The following MTHFSD variants were observed in gnomAD, a reference collection of about 807,000 sequenced individuals.
MTHFSD encodes the protein methenyltetrahydrofolate synthase domain-containing protein.
MTHFSD carries 37 observed loss-of-function variants against 31.1 expected under a neutral mutation model. The ratio of observed to expected loss-of-function variants is 1.19; its 90% CI spans 0.91 to 1.56. MTHFSD has a LOEUF of 1.56. Ranked by LOEUF, MTHFSD falls within the 40% of genes most tolerant of loss-of-function variation. MTHFSD has a pLI of 0.00. For missense variants in MTHFSD, 664 were observed against 510.1 expected (o/e 1.30, Z -2.91); for synonymous variants, 221 against 206.9 (o/e 1.07, Z -0.59).
At chr16:86,536,653 A>G (rs765453589) in intron 7 of MTHFSD, among the ~76,000 whole-genome samples, 9 of 152,228 alleles carry the variant, frequency 5.9e-5, no homozygotes, top group Non-Finnish European at 1.2e-4. Flanking sequence ...GTCACTAAGA[A>G]CTATTTAGTA....
Position 86,532,038 on chromosome 16 carries a change from C to T in MTHFSD, c.1125G>A (p.Ala375=), listed in dbSNP as rs537395734. ...ACTTGTCCCTCTGCTGCCTGGCCAG[C>T]GCCACCCTCAGGGTGTCGGTGCCCA... ...LRLGTDTLRV[A]LARQQRDK is the part of the protein sequence containing the mutation. Residue 375 remains alanine (A), a synonymous_variant, in exon 8 of 8, where the codon GCG becomes GCA. Transcript: ENST00000360900. 2.1e-5 allele frequency: 32 copies of T among 1,488,996 alleles called. No individual in the cohort carries two copies. The Middle Eastern group carries it at 7.0e-4, about 32-fold the overall frequency. 92.2% of individuals were successfully genotyped at this position (1,488,996 alleles called of 1,614,324 possible).
chr16:86,541,938 G>T, intron 6 of MTHFSD, 116 bp from the exon 7 acceptor site: 1 of 1,464,730 alleles, frequency 6.8e-7, no homozygotes, highest in Non-Finnish European at 9.3e-7. Flanking sequence ...AATCCACTCT[G>T]GGGCTAAGGC....
chr16:86,538,578 G>A (rs1376123811), intron 7 of MTHFSD, among the ~76,000 whole-genome samples: 1 of 152,220 alleles, frequency 6.6e-6, no homozygotes, highest in South Asian at 2.1e-4. Context: ...AGCCATTTTC[G>A]GTTTGCTACG....
At chr16:86,549,981 C>G (rs914027243) in intron 3 of MTHFSD, among the ~76,000 whole-genome samples, 5 of 152,232 alleles carry the variant, frequency 3.3e-5, no homozygotes, top group African/African-American at 1.2e-4. Flanking sequence ...GCCCCCAGCA[C>G]TGCGGACTGT....
Position 86,540,915 on chromosome 16 carries a change from G to C in MTHFSD, c.681+782C>G, listed in dbSNP as rs1243924882. 4 of 1,135,096 alleles carry C rather than the reference G, an allele frequency of 3.5e-6. No individual in the cohort carries two copies. In the South Asian group the frequency reaches 5.9e-5, roughly 17 times the overall value. The allele number at this position is 1,135,096 out of a possible 1,614,324, so 70.3% of individuals were successfully genotyped here. A position where few individuals can be genotyped will look rare whatever the true frequency, so the allele number is the denominator to read the frequency against. On this transcript the variant is annotated intron_variant, in intron 7 of 7. Coordinates refer to ENST00000360900, the MANE Select transcript of MTHFSD (RefSeq NM_001159377.2). Reference sequence around the variant, plus strand: ...ACACCTGCAGGGAAAGTCCCGGCTGGGCTGTGGCAAAAGCAGCAGGTATTC... The same window carrying C: ...ACACCTGCAGGGAAAGTCCCGGCTGCGCTGTGGCAAAAGCAGCAGGTATTC...
chr16:86,533,673 A>T (rs924540079), intron 7 of MTHFSD: 3 of 152,190 alleles, frequency 2.0e-5, no homozygotes, highest in African/African-American at 7.2e-5. Context: ...AGCCTTTGTG[A>T]GGAGCTGGGG....
chr16:86,530,931 A>C lies in MTHFSD; in HGVS notation c.*1080T>G, dbSNP rs1448217616. The C allele has an allele frequency of 6.6e-6, 1 of 152,224 alleles. No homozygotes were observed. Among genetic ancestry groups the C allele is most frequent in the Non-Finnish European group, 1.5e-5 (1 of 68,036 alleles). The allele number at this position is 152,224 out of a possible 1,614,324, so 9.4% of individuals were successfully genotyped here. On this transcript the variant is annotated 3_prime_UTR_variant, in exon 8 of 8. Transcript: ENST00000360900. ...AATGTAAGGCTGCGTTTTCTTTGCG[A>C]AGTCTCCACAGGATTTTCACGGCAA...
chr16:86,537,613 G>A (rs1970890205), intron 7 of MTHFSD, among the ~76,000 whole-genome samples: 1 of 152,202 alleles, frequency 6.6e-6, no homozygotes, highest in Admixed American at 6.5e-5. Context: ...ACAGTTAGCT[G>A]CATTATTTGC....
chr16:86,550,959 A>G (rs943435840), intron 3 of MTHFSD, among the ~76,000 whole-genome samples: 2 of 152,188 alleles, frequency 1.3e-5, no homozygotes, highest in African/African-American at 4.8e-5. Flanking sequence ...GGGAGAATGG[A>G]GTCAGCACAC....
At chr16:86,551,044 C>T (rs1973073994) in intron 3 of MTHFSD, among the ~76,000 whole-genome samples, 1 of 152,228 alleles carries the variant, frequency 6.6e-6, no homozygotes, top group Non-Finnish European at 1.5e-5. Flanking sequence ...ATGTTATCAG[C>T]TGCGATTTGC....
In MTHFSD at chr16:86,541,331, A is replaced by G. The variant is rs146776100; in HGVS notation, c.681+366T>C. On this transcript the variant is annotated intron_variant, in intron 7 of 7. Coordinates refer to ENST00000360900, the MANE Select transcript of MTHFSD (RefSeq NM_001159377.2). The stretch of plus-strand genomic sequence containing the variant: ...AATCTGGATTTAAAAAGGGAAGACC[A>G]ATGAGATAACACCAGGCAGAGCTTG... The G allele has an allele frequency of 3.0e-3, 2,637 of 869,904 alleles. 77 individuals carry two copies. The South Asian group carries it at 0.041, about 14-fold the overall frequency. 53.9% of individuals were successfully genotyped at this position (869,904 alleles called of 1,614,324 possible). A position where few individuals can be genotyped will look rare whatever the true frequency, so the allele number is the denominator to read the frequency against.
rs771189359 is a variant in MTHFSD at position 86,548,473 on chromosome 16, G to A, written c.342C>T (p.Ala114=). The part of the protein sequence containing the change: ...GATKDILRKC[A]TSQGVRNYSV... ...TGCTTCTGGTACTTACCTGAGAGGT[G>A]GCACATTTTCTCAAGATGTCTTTAG... The change falls in exon 4 of 8, where the codon GCC becomes GCT. Residue 114 remains alanine, a synonymous_variant. Coordinates refer to ENST00000360900, the MANE Select transcript of MTHFSD (RefSeq NM_001159377.2). 2 of 1,613,032 alleles carry A rather than the reference G, an allele frequency of 1.2e-6. No individual in the cohort carries two copies. Among genetic ancestry groups the A allele is most frequent in the African/African-American group, 1.3e-5 (1 of 75,010 alleles).
Position 86,554,763 on chromosome 16 carries a change from G to C in MTHFSD, c.17-12C>G, listed in dbSNP as rs1043590039. On this transcript the variant is annotated splice_polypyrimidine_tract_variant and intron_variant, in intron 1 of 7. Coordinates refer to ENST00000360900, the MANE Select transcript of MTHFSD (RefSeq NM_001159377.2). Reference sequence around the variant, plus strand: ...TTTGGAGACACCTACTGCAACAAAAGATTCCCACTTAATAACATACAAAGG... The same window carrying C: ...TTTGGAGACACCTACTGCAACAAAACATTCCCACTTAATAACATACAAAGG... 8.1e-6 allele frequency: 13 copies of C among 1,599,518 alleles called. No individual in the cohort carries two copies. Among genetic ancestry groups the C allele is most frequent in the Non-Finnish European group, 4.3e-6 (5 of 1,167,206 alleles).
In MTHFSD at chr16:86,546,564, T is replaced by C. The variant is rs921770672; in HGVS notation, c.437A>G (p.Glu146Gly). Reference protein sequence around the residue: ...LVVVGSVAVSEKGWRIGKGEG... With the variant: ...LVVVGSVAVSGKGWRIGKGEG... ...TTCCCATCTGCTAGTCTTACCTTTT[T>C]CAGAAACGGCGACGGATCCCACCAC... The change falls in exon 5 of 8, where the codon GAA becomes GGA. Residue 146 changes from glutamate to glycine, a missense_variant. Coordinates refer to ENST00000360900, the MANE Select transcript of MTHFSD (RefSeq NM_001159377.2). The C allele has an allele frequency of 2.4e-5, 38 of 1,613,848 alleles. No homozygotes were observed. The highest frequency in any genetic ancestry group is 3.0e-5 in the Non-Finnish European group (35 of 1,180,008).
chr16:86,546,691 G>A, intron 4 of MTHFSD, 42 bp from the exon 5 acceptor site: 4 of 1,506,530 alleles, frequency 2.7e-6, no homozygotes, highest in Non-Finnish European at 3.7e-6. Context: ...AACTCCAGCT[G>A]CTTCCTCATT....
chr16:86,540,353 C>G (rs1411344800), intron 7 of MTHFSD, among the ~76,000 whole-genome samples: 1 of 152,218 alleles, frequency 6.6e-6, no homozygotes, highest in African/African-American at 2.4e-5. Context: ...CTCAGGAACC[C>G]TGGCTGAGTT....
At position 86,546,609 on chromosome 16, in the gene MTHFSD, C is replaced by G; in HGVS notation, c.392G>C (p.Arg131Thr). 2 of 1,614,000 alleles carry G rather than the reference C, an allele frequency of 1.2e-6. No individual in the cohort carries two copies. Among genetic ancestry groups the G allele is most frequent in the Non-Finnish European group, 8.5e-7 (1 of 1,180,036 alleles). ...NYSVPIGLDS[R>T]VLVDLVVVGS... ...CACCACAACTAAATCCACGAGGACTCTGGAGTCCAAGCCTATGGGGACACT... is the reference window on the plus strand; with the variant it reads ...CACCACAACTAAATCCACGAGGACTGTGGAGTCCAAGCCTATGGGGACACT... Residue 131 changes from arginine (R) to threonine (T), a missense_variant, in exon 5 of 8, where the codon AGA (arginine) becomes ACA (threonine). Coordinates refer to ENST00000360900, the MANE Select transcript of MTHFSD (RefSeq NM_001159377.2).
At chr16:86,547,535 T>A in intron 4 of MTHFSD, 1 of 986,632 alleles carries the variant, frequency 1.0e-6, no homozygotes, top group East Asian at 1.1e-4. Context: ...GTTCTCATCA[T>A]CTCGCAGGGT....
At chr16:86,545,239 G>A (rs1972117819) in intron 5 of MTHFSD, among the ~76,000 whole-genome samples, 1 of 152,164 alleles carries the variant, frequency 6.6e-6, no homozygotes, top group East Asian at 1.9e-4. Context: ...TGTCTCACAC[G>A]CATGCTACTA....
Sources: gnomAD v4.1 joint callset for allele counts (sites outside exome capture counted in the v4.1 genomes callset) on GRCh38, gnomAD v4.1.1 for gene constraint, MANE v1.5 for transcripts, NCBI Gene and HGNC (gene_info 2026-07-23, HGNC 2026-07-21) for gene names.